The following F13A1 variants were observed in gnomAD, a reference collection of about 807,000 sequenced individuals.
F13A1 encodes the protein coagulation factor XIII A chain.
In F13A1, 47 loss-of-function variants were observed where a neutral mutation model predicts 80.1. The ratio of observed to expected loss-of-function variants is 0.59; its 90% confidence interval spans 0.46 to 0.75. The LOEUF (loss-of-function observed/expected upper bound fraction) is 0.75. F13A1 is among the 30% of genes least tolerant of loss of function. The pLI, the probability that F13A1 is intolerant of heterozygous loss-of-function variation, is 0.00. For missense variants in F13A1, 817 were observed against 930.4 expected (o/e 0.88, Z 1.59); for synonymous variants, 349 against 344.9 (o/e 1.01, Z -0.13).
chr6:6,316,699 TATG>T (rs1157010397), intron 2 of F13A1, among the ~76,000 whole-genome samples: 2 of 152,150 alleles, frequency 1.3e-5, no homozygotes, highest in South Asian at 2.1e-4. Context: ...CTTGCTGGGA[TATG>T]ATAAGTTGCA....
intron 3 of F13A1, among the ~76,000 whole-genome samples, chr6:6,281,838 A>T (rs995506898): frequency 6.6e-6 from 1 of 151,996 alleles, no homozygotes; most frequent in African/African-American, 2.4e-5. Context: ...CTAAAAATAC[A>T]ATAAATTAGC....
At chr6:6,176,163 GAAA>G (rs11322886) in intron 11 of F13A1, among the ~76,000 whole-genome samples, 1 of 151,044 alleles carries the variant, frequency 6.6e-6, no homozygotes, top group Non-Finnish European at 1.5e-5. Flanking sequence ...AATGGCTAGT[GAAA>G]AAAAAATCAC....
At chr6:6,268,220 G>A (rs1459956073) in intron 3 of F13A1, among the ~76,000 whole-genome samples, 1 of 152,158 alleles carries the variant, frequency 6.6e-6, no homozygotes, top group African/African-American at 2.4e-5. Context: ...AATAACTTCT[G>A]TGCTCATAGA....
At chr6:6,289,675 A>G (rs1434362017) in intron 3 of F13A1, among the ~76,000 whole-genome samples, 1 of 152,180 alleles carries the variant, frequency 6.6e-6, no homozygotes, top group African/African-American at 2.4e-5. Context: ...AAAAGTAGAA[A>G]AAAATCAGAT....
chr6:6,218,768 T>G (rs1426695139), intron 8 of F13A1, among the ~76,000 whole-genome samples: 7 of 152,170 alleles, frequency 4.6e-5, no homozygotes, highest in Admixed American at 4.6e-4. Flanking sequence ...CAGTCTGTCC[T>G]TGATGGTCTG....
chr6:6,213,271 G>T (rs1336547551), intron 8 of F13A1, among the ~76,000 whole-genome samples: 2 of 151,352 alleles, frequency 1.3e-5, no homozygotes, highest in African/African-American at 4.8e-5. Flanking sequence ...GTTAAGGGCA[G>T]CCAGAGAGAA....
At chr6:6,249,954 G>C (rs1355550153) in intron 5 of F13A1, among the ~76,000 whole-genome samples, 1 of 152,122 alleles carries the variant, frequency 6.6e-6, no homozygotes, top group East Asian at 1.9e-4. Context: ...GATAACACGG[G>C]TACTGGAGCA....
At chr6:6,257,675 T>C (rs1201854494) in intron 4 of F13A1, among the ~76,000 whole-genome samples, 2 of 152,192 alleles carry the variant, frequency 1.3e-5, no homozygotes, top group Non-Finnish European at 2.9e-5. Context: ...TGATAGTATA[T>C]CTCCCACAGT....
At chr6:6,275,817 G>A (rs1290688346) in intron 3 of F13A1, among the ~76,000 whole-genome samples, 4 of 152,160 alleles carry the variant, frequency 2.6e-5, no homozygotes, top group Admixed American at 1.3e-4. Context: ...TGTTAACTGC[G>A]ATACAAATTT....
At chr6:6,167,359 C>G in intron 13 of F13A1, 99 bp downstream of exon 13, 1 of 1,151,164 alleles carries the variant, frequency 8.7e-7, no homozygotes, top group Non-Finnish European at 1.3e-6. Flanking sequence ...GCAGGACATT[C>G]ATTCACACAC....
chr6:6,265,692 G>A (rs1402249699), intron 4 of F13A1, among the ~76,000 whole-genome samples: 1 of 152,166 alleles, frequency 6.6e-6, no homozygotes, highest in Non-Finnish European at 1.5e-5. Flanking sequence ...CAGAGTTATG[G>A]TTTGCAAAAT....
At chr6:6,235,118 A>G (rs1757398089) in intron 6 of F13A1, among the ~76,000 whole-genome samples, 1 of 152,026 alleles carries the variant, frequency 6.6e-6, no homozygotes, top group African/African-American at 2.4e-5. Context: ...CATACCTTGC[A>G]CCATATGTAA....
chr6:6,244,484 T>C (rs931900799), intron 6 of F13A1, among the ~76,000 whole-genome samples: 1 of 152,186 alleles, frequency 6.6e-6, no homozygotes, highest in Non-Finnish European at 1.5e-5. Flanking sequence ...GCCTAATCTC[T>C]AGATGATGAG....
intron 6 of F13A1, among the ~76,000 whole-genome samples, chr6:6,226,428 G>A (rs1757276781): frequency 6.6e-6 from 1 of 152,202 alleles, no homozygotes. Context: ...ACAGGTCTGA[G>A]TTATAATGCA....
At chr6:6,315,117 G>A (rs767826208) in intron 2 of F13A1, among the ~76,000 whole-genome samples, 1 of 152,120 alleles carries the variant, frequency 6.6e-6, no homozygotes, top group Non-Finnish European at 1.5e-5. Flanking sequence ...GCTACAAATG[G>A]TCGCCTATTG....
chr6:6,201,744 A>G (rs1761398816), intron 8 of F13A1, among the ~76,000 whole-genome samples: 1 of 152,128 alleles, frequency 6.6e-6, no homozygotes, highest in African/African-American at 2.4e-5. Context: ...ACAGGGTCTC[A>G]TGTTGCCCAG....
intron 1 of F13A1, among the ~76,000 whole-genome samples, chr6:6,320,013 G>T (rs1453387724): frequency 6.6e-6 from 1 of 152,204 alleles, no homozygotes; most frequent in African/African-American, 2.4e-5. Context: ...GCGCTGTCGG[G>T]AGACACAGTG....
chr6:6,241,104 A>G (rs979487858), intron 6 of F13A1, among the ~76,000 whole-genome samples: 7 of 152,148 alleles, frequency 4.6e-5, no homozygotes, highest in Non-Finnish European at 7.4e-5. Flanking sequence ...GCTGTTCCAA[A>G]CTGAGAAATT....
intron 6 of F13A1, among the ~76,000 whole-genome samples, chr6:6,229,752 C>G (rs998808218): frequency 1.3e-5 from 2 of 152,086 alleles, no homozygotes; most frequent in East Asian, 3.8e-4. Flanking sequence ...ACCCGAGAGA[C>G]CCCCCCAAAT....
Sources: gnomAD v4.1 joint callset for allele counts (sites outside exome capture counted in the v4.1 genomes callset) on GRCh38, gnomAD v4.1.1 for gene constraint, MANE v1.5 for transcripts, NCBI Gene and HGNC (gene_info 2026-07-23, HGNC 2026-07-21) for gene names.